The following MAST1 variants were observed in gnomAD, a reference collection of about 807,000 sequenced individuals.
The protein encoded by MAST1 is microtubule associated serine/threonine kinase 1.
Under a neutral mutation model 124.6 loss-of-function variants are expected in MAST1, and 40 were observed. The observed-to-expected ratio is 0.32, with a 90% CI of 0.25 to 0.42. The LOEUF (loss-of-function observed/expected upper bound fraction) is 0.42, where lower values mean the gene tolerates loss of function less well. MAST1 is among the 10% of genes least tolerant of loss of function. MAST1 has a pLI of 1.00. For missense variants in MAST1, 1,558 were observed against 2,181.9 expected (o/e 0.71, Z 5.70); for synonymous variants, 938 against 939.4 (o/e 1.00, Z 0.03).
chr19:12,861,125 C>T (rs1304695904), intron 12 of MAST1, among the ~76,000 whole-genome samples: 5 of 152,070 alleles, frequency 3.3e-5, no homozygotes, highest in Non-Finnish European at 7.4e-5. Context: ...TGCCGTGGCG[C>T]AATCTTGGTG....
At position 12,858,729 on chromosome 19, in the gene MAST1, A is replaced by G. The variant is rs1200711208; in HGVS notation, c.1356A>G (p.Glu452=). Residue 452 remains glutamate (E), a synonymous_variant, in exon 12 of 26, where the codon GAA becomes GAG. Coordinates refer to ENST00000251472, the MANE Select transcript of MAST1 (RefSeq NM_014975.3). ...ETRRHLCMVM[E]YVEGGDCATL... is the part of the protein sequence containing the mutation. ...GGCGCCACCTCTGCATGGTCATGGA[A>G]TATGTGGAAGGTGTGGCTGCCTGCG... 2 of 1,614,012 alleles carry G rather than the reference A, an allele frequency of 1.2e-6. No individual in the cohort carries two copies. Among genetic ancestry groups the G allele is most frequent in the Admixed American group, 3.3e-5 (2 of 59,996 alleles).
chr19:12,874,359 G>T lies in MAST1; in HGVS notation c.4202G>T (p.Gly1401Val), dbSNP rs760524806. The change falls in exon 26 of 26, where the codon GGC becomes GTC. Residue 1401 changes from glycine (G) to valine (V), a missense_variant. Gly to Val is a moderately radical substitution (Grantham distance 109). Transcript: ENST00000251472. This position sits in a 1 kb window ranked among gnomAD's most constrained non-coding sequence, Gnocchi z 6.6. ...HQSVQTEDGT[G>V]GMARAVAKAA... The stretch of plus-strand genomic sequence containing the variant: ...AGCGTGCAGACGGAGGATGGCACTG[G>T]CGGGATGGCCAGGGCTGTGGCCAAG... 2 of 1,597,954 alleles carry T rather than the reference G, an allele frequency of 1.3e-6. No individual in the cohort carries two copies. Among genetic ancestry groups the T allele is most frequent in the South Asian group, 1.1e-5 (1 of 90,974 alleles).
chr19:12,861,605 G>T (rs558696325), intron 12 of MAST1, among the ~76,000 whole-genome samples: 2 of 152,206 alleles, frequency 1.3e-5, no homozygotes, highest in Admixed American at 6.5e-5. Flanking sequence ...CCAGAGACTG[G>T]AATGGCATTG....
At chr19:12,868,884 G>T (rs1266386682) in intron 21 of MAST1, 35 bp downstream of exon 21, 2 of 1,555,178 alleles carry the variant, frequency 1.3e-6, no homozygotes, top group African/African-American at 2.7e-5. Context: ...GGGAGGGGCT[G>T]CCCCCCATTT....
chr19:12,845,845 G>T (rs1285478394), intron 4 of MAST1, among the ~76,000 whole-genome samples: 1 of 152,014 alleles, frequency 6.6e-6, no homozygotes, highest in Non-Finnish European at 1.5e-5. Context: ...TTTTAGTAGA[G>T]ACGGGGTTTC....
chr19:12,852,965 A>T (rs963107809), intron 10 of MAST1, among the ~76,000 whole-genome samples: 5 of 151,744 alleles, frequency 3.3e-5, no homozygotes, highest in South Asian at 2.1e-4. Flanking sequence ...TTTTATTTTT[A>T]TTTATTTATT....
In MAST1 at chr19:12,838,629, C is replaced by G; in HGVS notation, c.57C>G (p.Gly19=). 1 of 1,610,222 alleles carries G rather than the reference C, an allele frequency of 6.2e-7. No individual in the cohort carries two copies. The highest frequency in any genetic ancestry group is 1.7e-5 in the Admixed American group (1 of 59,826). ...LSNFSMPSFP[G]GSMFRRTKSC... ...ATTTCTCGATGCCCTCCTTCCCCGG[C>G]GGCAGTATGTTCCGCCGCACCAAGA... Residue 19 remains glycine (G), a synonymous_variant, in exon 1 of 26, where the codon GGC becomes GGG. Coordinates refer to ENST00000251472, the MANE Select transcript of MAST1 (RefSeq NM_014975.3). The surrounding 1 kb of genome is among the most constrained non-coding windows in gnomAD (Gnocchi z 4.3).
intron 12 of MAST1, among the ~76,000 whole-genome samples, chr19:12,862,634 T>G (rs1970097929): frequency 6.6e-6 from 1 of 151,362 alleles, no homozygotes; most frequent in Non-Finnish European, 1.5e-5. Context: ...GGTGAAACCC[T>G]GTTGTTGTTG....
chr19:12,847,707 G>T lies in MAST1; in HGVS notation c.564+20G>T, dbSNP rs1215238586. The T allele has an allele frequency of 5.0e-6, 8 of 1,611,790 alleles. No homozygotes were observed. Among genetic ancestry groups the T allele is most frequent in the African/African-American group, 1.3e-5 (1 of 74,948 alleles). On this transcript the variant is annotated intron_variant, in intron 6 of 25. Coordinates refer to ENST00000251472, the MANE Select transcript of MAST1 (RefSeq NM_014975.3). This position sits in a 1 kb window ranked among gnomAD's most constrained non-coding sequence, Gnocchi z 5.5. ...CCGAAGGTGAGGTGGGACCCGAGGC[G>T]GTCACGGGGTGACCAGGCGGCCTGC...
intron 4 of MAST1, among the ~76,000 whole-genome samples, chr19:12,844,630 G>A (rs1232512545): frequency 2.0e-5 from 3 of 152,160 alleles, no homozygotes; most frequent in Non-Finnish European, 4.4e-5. Context: ...GAAGAGAAGG[G>A]AGAAGAGTGT....
rs1599588180 is a variant in MAST1 at position 12,864,697 on chromosome 19, T to C, written c.1367-112T>C. The C allele has an allele frequency of 2.1e-6, 3 of 1,414,348 alleles. No homozygotes were observed. The East Asian group carries it at 6.9e-5, about 33-fold the overall frequency. The allele number at this position is 1,414,348 out of a possible 1,614,324, so 87.6% of individuals were successfully genotyped here. On this transcript the variant is annotated intron_variant, in intron 12 of 25. Transcript: ENST00000251472. Reference sequence around the variant, plus strand: ...AGGGAGGCCCCTCTCAGAGCCTCAGTTTCCCTTATCTATAAAACGGGTACA... The same window carrying C: ...AGGGAGGCCCCTCTCAGAGCCTCAGCTTCCCTTATCTATAAAACGGGTACA...
intron 9 of MAST1, 34 bp downstream of exon 9, chr19:12,852,281 G>T: frequency 2.5e-6 from 4 of 1,614,056 alleles, no homozygotes; most frequent in Non-Finnish European, 2.5e-6. Context: ...GACTGGGGGT[G>T]AGCAGGCCCA....
In MAST1 at chr19:12,869,264, C is replaced by T. The variant is rs768566231; in HGVS notation, c.2972C>T (p.Thr991Met). 2.5e-6 allele frequency: 4 copies of T among 1,614,000 alleles called. No homozygotes were observed. The highest frequency in any genetic ancestry group is 3.4e-6 in the Non-Finnish European group (4 of 1,179,976). Residue 991 changes from threonine (T) to methionine (M), a missense_variant, in exon 22 of 26, where the codon ACG becomes ATG. By Grantham distance (81) the Thr-to-Met change is moderately conservative. Transcript: ENST00000251472. ...LRAIRVYMGD[T>M]DVYSVHHIVW... ...GCCATCCGTGTCTACATGGGTGACA[C>T]GGATGTCTATAGTGTCCACCACATT...
Position 12,873,668 on chromosome 19 carries a change from G to A in MAST1, c.3511G>A (p.Ala1171Thr). The A allele has an allele frequency of 5.6e-6, 9 of 1,598,422 alleles. No individual in the cohort carries two copies. The highest frequency in any genetic ancestry group is 7.7e-6 in the Non-Finnish European group (9 of 1,176,420). Reference protein sequence around the residue: ...SSTPNSPASSASHHIRPSTLH... With the variant: ...SSTPNSPASSTSHHIRPSTLH... Reference sequence around the variant, plus strand: ...CACGCCCAACTCGCCTGCGTCGTCGGCGTCGCACCACATTCGGCCCAGCAC... The same window carrying A: ...CACGCCCAACTCGCCTGCGTCGTCGACGTCGCACCACATTCGGCCCAGCAC... The change falls in exon 26 of 26, where the codon GCG becomes ACG. Residue 1171 changes from alanine to threonine, a missense_variant. Physicochemically the swap from Ala to Thr is moderately conservative, Grantham distance 58. Around this residue, in one of 10 missense-constraint regions of MAST1, gnomAD observed 291 missense variants for 475.8 expected, o/e 0.61. Coordinates refer to ENST00000251472, the MANE Select transcript of MAST1 (RefSeq NM_014975.3).
rs1365623773 is a variant in MAST1 at position 12,847,845 on chromosome 19, C to G, written c.565-3C>G. On this transcript the variant is annotated splice_polypyrimidine_tract_variant and splice_region_variant and intron_variant, in intron 6 of 25. Coordinates refer to ENST00000251472, the MANE Select transcript of MAST1 (RefSeq NM_014975.3). The surrounding 1 kb of genome is among the most constrained non-coding windows in gnomAD (Gnocchi z 5.5). Reference sequence around the variant, plus strand: ...CCGCGCCCCTCCTCCGTCCCTCCCGCAGGCCACTGCGCAGATGGAGGAGAA... The same window carrying G: ...CCGCGCCCCTCCTCCGTCCCTCCCGGAGGCCACTGCGCAGATGGAGGAGAA... 1 of 1,607,426 alleles carries G rather than the reference C, an allele frequency of 6.2e-7. No individual in the cohort carries two copies.
Position 12,862,037 on chromosome 19 carries a change from C to T in MAST1, c.1367-2772C>T, listed in dbSNP as rs554536027. 1.1e-4 allele frequency among the ~76,000 whole-genome samples: 16 copies of T among 145,592 alleles called. 1 individual carries two copies. The South Asian group carries it at 3.3e-3, about 30-fold the overall frequency. On this transcript the variant is annotated intron_variant, in intron 12 of 25. Transcript: ENST00000251472. ...TTTTTTTGAAATGGAGTCTCACTCA[C>T]GCTGTCACCCAGGCTAGAGTGCAAT... is the stretch of plus-strand genomic sequence containing the variant.
At chr19:12,863,569 C>A (rs1164554050) in intron 12 of MAST1, among the ~76,000 whole-genome samples, 2 of 152,206 alleles carry the variant, frequency 1.3e-5, no homozygotes, top group Non-Finnish European at 2.9e-5. Context: ...CACATGTGGG[C>A]TTCCTTCTAG....
chr19:12,847,822 GC>G lies in MAST1; in HGVS notation c.565-25del. On this transcript the variant is annotated intron_variant, in intron 6 of 25. Transcript: ENST00000251472. This position sits in a 1 kb window ranked among gnomAD's most constrained non-coding sequence, Gnocchi z 5.5. The stretch of plus-strand genomic sequence containing the variant: ...GGCCGCAGCCTTCGGGCACAGCCCC[GC>G]GCCCCTCCTCCGTCCCTCCCGCAGG... The G allele has an allele frequency of 6.3e-7, 1 of 1,594,832 alleles. No homozygotes were observed. Among genetic ancestry groups the G allele is most frequent in the South Asian group, 1.1e-5 (1 of 89,584 alleles).
chr19:12,854,415 C>T (rs1473131659), intron 10 of MAST1, among the ~76,000 whole-genome samples: 6 of 152,254 alleles, frequency 3.9e-5, no homozygotes, highest in Admixed American at 1.3e-4. Flanking sequence ...GAGCCACATG[C>T]CTGGCCTTTT....
Sources: allele counts gnomAD v4.1 joint callset (sites outside exome capture counted in the v4.1 genomes callset), GRCh38; gene constraint gnomAD v4.1.1; regional missense constraint gnomAD v4.1.1; non-coding constraint Gnocchi (gnomAD v3.1); transcripts MANE v1.5; gene names NCBI Gene and HGNC (gene_info 2026-07-23, HGNC 2026-07-21).